ATXN1: variants seen among roughly 807,000 people sequenced by gnomAD.
ATXN1 encodes ataxin 1.
In ATXN1, 8 loss-of-function variants were observed where a neutral mutation model predicts 56.4. The ratio of observed to expected loss-of-function variants is 0.14; its 90% CI spans 0.08 to 0.26. The LOEUF (loss-of-function observed/expected upper bound fraction) is 0.26. Ranked by LOEUF, ATXN1 falls within the 10% of genes least tolerant of loss-of-function variation. ATXN1 has a pLI of 1.00. For synonymous variants in ATXN1, 514 were observed against 494.6 expected, an observed-to-expected ratio of 1.04 and a Z score of -0.52; for missense variants, 987 against 1,106.5, an observed-to-expected ratio of 0.89 and a Z score of 1.53.
intron 2 of ATXN1, among the ~76,000 whole-genome samples, chr6:16,663,015 C>T (rs1581343284): frequency 6.7e-6 from 1 of 148,362 alleles, no homozygotes. Context: ...TCTTGTTGCC[C>T]AGGCTGTAGT....
intron 6 of ATXN1, among the ~76,000 whole-genome samples, chr6:16,348,105 A>G (rs1480581338): frequency 6.6e-6 from 1 of 152,204 alleles, no homozygotes; most frequent in Non-Finnish European, 1.5e-5. Flanking sequence ...GAGACCAAGA[A>G]CGCACCTAAT....
chr6:16,465,313 T>A (rs1261295819), intron 6 of ATXN1, among the ~76,000 whole-genome samples: 6 of 152,116 alleles, frequency 3.9e-5, no homozygotes, highest in Admixed American at 2.0e-4. Context: ...AAAAATTAGC[T>A]GGGCATGGTG....
chr6:16,633,600 C>T (rs72825569), intron 3 of ATXN1, among the ~76,000 whole-genome samples: 2,107 of 152,314 alleles, frequency 0.014, 30 homozygotes, highest in Middle Eastern at 0.027. Flanking sequence ...CACCTCCCCT[C>T]CCTGAGGTTC....
intron 6 of ATXN1, among the ~76,000 whole-genome samples, chr6:16,442,168 A>T (rs1311822810): frequency 1.3e-5 from 2 of 152,232 alleles, no homozygotes; most frequent in African/African-American, 4.8e-5. Context: ...GCTAAAAGTC[A>T]GTAGCGTGAC....
At chr6:16,604,278 C>T (rs1173005521) in intron 3 of ATXN1, among the ~76,000 whole-genome samples, 1 of 150,578 alleles carries the variant, frequency 6.6e-6, no homozygotes, top group East Asian at 2.0e-4. Context: ...ACCACTTGAG[C>T]CCAGGAATTC....
chr6:16,642,854 ATAAT>A (rs1182279643), intron 3 of ATXN1, among the ~76,000 whole-genome samples: 1 of 152,272 alleles, frequency 6.6e-6, no homozygotes, highest in African/African-American at 2.4e-5. Flanking sequence ...ATGTTATTGG[ATAAT>A]TAATAGACTA....
intron 5 of ATXN1, among the ~76,000 whole-genome samples, chr6:16,498,663 T>C (rs918585680): frequency 1.6e-4 from 24 of 152,198 alleles, no homozygotes; most frequent in African/African-American, 5.5e-4. Flanking sequence ...TTATTTTCCT[T>C]TTTTAAAAAA....
intron 3 of ATXN1, among the ~76,000 whole-genome samples, chr6:16,603,498 G>A (rs1762948160): frequency 6.6e-6 from 1 of 152,154 alleles, no homozygotes; most frequent in African/African-American, 2.4e-5. Flanking sequence ...GAACCTCATT[G>A]AAAACACAGT....
chr6:16,402,739 G>A (rs1758603812), intron 6 of ATXN1, among the ~76,000 whole-genome samples: 3 of 152,150 alleles, frequency 2.0e-5, no homozygotes. Context: ...AGAACATCTG[G>A]TGTCAGAACC....
At chr6:16,611,849 ATTTTTTT>A (rs369870821) in intron 3 of ATXN1, among the ~76,000 whole-genome samples, 778 of 75,144 alleles carry the variant, frequency 0.01, 6 homozygotes, top group African/African-American at 0.035. Flanking sequence ...AGCAGATGAA[ATTTTTTT>A]TTTTTTTTTT....
intron 6 of ATXN1, among the ~76,000 whole-genome samples, chr6:16,435,490 G>C (rs370393031): frequency 3.9e-5 from 6 of 152,112 alleles, no homozygotes; most frequent in Non-Finnish European, 8.8e-5. Flanking sequence ...GATGGCACCC[G>C]AAGACAGTGG....
chr6:16,519,837 T>C (rs1420395911), intron 5 of ATXN1, among the ~76,000 whole-genome samples: 2 of 152,194 alleles, frequency 1.3e-5, no homozygotes, highest in Admixed American at 1.3e-4. Context: ...AGTTCCAAGA[T>C]GGACCGAGAC....
chr6:16,402,485 T>C (rs963982640), intron 6 of ATXN1, among the ~76,000 whole-genome samples: 8 of 151,990 alleles, frequency 5.3e-5, no homozygotes, highest in Admixed American at 1.3e-4. Context: ...ATTTTCCAGT[T>C]AACAACACGA....
Position 16,584,243 on chromosome 6 carries a change from TACACAC to T in ATXN1, c.-361+1531_-361+1536del, listed in dbSNP as rs368108414. Among the ~76,000 whole-genome samples, 791 of 118,424 alleles carry T rather than the reference TACACAC, an allele frequency of 6.7e-3. 21 individuals are homozygous for T. The highest frequency in any genetic ancestry group is 0.021 in the African/African-American group (621 of 30,270). 77.7% of individuals were successfully genotyped at this position (118,424 alleles called of 152,430 possible). ...TTGGACATATATATATATATATATA[TACACAC>T]ACACACACACACACACACACACATA... On this transcript the variant is annotated intron_variant, in intron 4 of 7. Transcript: ENST00000436367.
rs138625599 is a variant in ATXN1 at position 16,401,276 on chromosome 6, T to C, written c.-160-72806A>G. ...TTTACACAACATGGGAAGTCATTAA[T>C]TGTTCTTCATAAAAGATTCAATGTG... On this transcript the variant is annotated intron_variant, in intron 6 of 7. Coordinates refer to ENST00000436367, the MANE Select transcript of ATXN1 (RefSeq NM_001128164.2). Among the ~76,000 whole-genome samples, 5 of 152,284 alleles carry C rather than the reference T, an allele frequency of 3.3e-5. No individual in the cohort carries two copies. In the East Asian group the frequency reaches 9.6e-4, roughly 29 times the overall value.
intron 4 of ATXN1, among the ~76,000 whole-genome samples, chr6:16,527,563 G>C (rs967739196): frequency 1.3e-5 from 2 of 152,156 alleles, no homozygotes; most frequent in African/African-American, 4.8e-5. Flanking sequence ...GCAGGTGACA[G>C]TCCCTTACAA....
At chr6:16,736,369 A>C (rs1760131532) in intron 2 of ATXN1, among the ~76,000 whole-genome samples, 1 of 152,180 alleles carries the variant, frequency 6.6e-6, no homozygotes, top group Non-Finnish European at 1.5e-5. Flanking sequence ...CAGTGTATTT[A>C]TTGGGCATTA....
At chr6:16,329,964 C>G (rs1057277767) in intron 6 of ATXN1, among the ~76,000 whole-genome samples, 4 of 152,238 alleles carry the variant, frequency 2.6e-5, no homozygotes, top group African/African-American at 9.6e-5. Flanking sequence ...TAGGTATGCA[C>G]AGTGCAACAT....
chr6:16,337,511 C>G (rs548088807), intron 6 of ATXN1, among the ~76,000 whole-genome samples: 1 of 152,342 alleles, frequency 6.6e-6, no homozygotes, highest in East Asian at 1.9e-4. Context: ...CCTGGAAAGG[C>G]TCAAGATGGA....
Sources: gnomAD v4.1 joint callset for allele counts (sites outside exome capture counted in the v4.1 genomes callset) on GRCh38, gnomAD v4.1.1 for gene constraint, MANE v1.5 for transcripts, NCBI Gene and HGNC (gene_info 2026-07-23, HGNC 2026-07-21) for gene names.